The following PARD3B variants were observed in gnomAD, a reference collection of about 807,000 sequenced individuals.
PARD3B encodes the protein par-3 family cell polarity regulator beta.
In PARD3B, 103 loss-of-function variants were observed where a neutral mutation model predicts 130.2. That is an observed-to-expected ratio of 0.79 (90% CI 0.67 to 0.93). The LOEUF (loss-of-function observed/expected upper bound fraction) is 0.93, where lower values mean the gene tolerates loss of function less well. Ranked by LOEUF, PARD3B falls within the 40% of genes least tolerant of loss-of-function variation. The pLI is 0.00. For missense variants in PARD3B, 1,609 were observed against 1,499.2 expected, an observed-to-expected ratio of 1.07 and a Z score of -1.21; for synonymous variants, 583 against 553.2, an observed-to-expected ratio of 1.05 and a Z score of -0.76.
intron 2 of PARD3B, among the ~76,000 whole-genome samples, chr2:204,802,721 C>T (rs1341008175): frequency 6.6e-6 from 1 of 152,096 alleles, no homozygotes; most frequent in Non-Finnish European, 1.5e-5. Flanking sequence ...AACCATCATT[C>T]TCAGCATTCT....
Position 204,967,480 on chromosome 2 carries a change from C to G in PARD3B, c.394+2157C>G, listed in dbSNP as rs1184778998. Among the ~76,000 whole-genome samples the G allele has an allele frequency of 6.6e-6, 1 of 152,178 alleles. No individual in the cohort carries two copies. The highest frequency in any genetic ancestry group is 2.4e-5 in the African/African-American group (1 of 41,446). Reference sequence around the variant, plus strand: ...TATGTAATATAACTCCCCTGCTTAACGACCTTCACTGGCTTCCCATCACCC... The same window carrying G: ...TATGTAATATAACTCCCCTGCTTAAGGACCTTCACTGGCTTCCCATCACCC... On this transcript the variant is annotated intron_variant, in intron 3 of 22. Transcript: ENST00000406610. The surrounding 1 kb of genome is among the most constrained non-coding windows in gnomAD (Gnocchi z 4.4).
chr2:205,270,464 G>A (rs1232910641), intron 16 of PARD3B, among the ~76,000 whole-genome samples: 1 of 152,054 alleles, frequency 6.6e-6, no homozygotes, highest in Non-Finnish European at 1.5e-5. Flanking sequence ...CTACTCAGGA[G>A]GCTGAGGCAG....
At chr2:204,573,232 T>A (rs192106072) in intron 1 of PARD3B, among the ~76,000 whole-genome samples, 2 of 152,224 alleles carry the variant, frequency 1.3e-5, no homozygotes, top group East Asian at 3.8e-4. Context: ...GTCCTTCTCA[T>A]AACTAGTTTT....
intron 4 of PARD3B, among the ~76,000 whole-genome samples, chr2:205,087,807 G>T (rs1258545780): frequency 1.3e-5 from 2 of 149,588 alleles, no homozygotes; most frequent in Non-Finnish European, 3.0e-5. Flanking sequence ...TTTCAAAAAG[G>T]AAAAACAGCT....
At chr2:205,049,302 C>A (rs1699023404) in intron 4 of PARD3B, among the ~76,000 whole-genome samples, 1 of 152,058 alleles carries the variant, frequency 6.6e-6, no homozygotes. Context: ...GAAGGGGAAG[C>A]AAACATGTCC....
chr2:205,483,942 C>T (rs1248186689), intron 20 of PARD3B, among the ~76,000 whole-genome samples: 1 of 152,098 alleles, frequency 6.6e-6, no homozygotes, highest in Non-Finnish European at 1.5e-5. Flanking sequence ...ATGGAATGTA[C>T]AACATAACAC....
At position 204,943,812 on chromosome 2, in the gene PARD3B, G is replaced by A. The variant is rs1428830700; in HGVS notation, c.223-21340G>A. On this transcript the variant is annotated intron_variant, in intron 2 of 22. Coordinates refer to ENST00000406610, the MANE Select transcript of PARD3B (RefSeq NM_001302769.2). The surrounding 1 kb of genome is among the most constrained non-coding windows in gnomAD (Gnocchi z 4.2). ...TTCCTATCTGCCATGTGCAAATTAG[G>A]GAGACTGAGGCAACAAAGTTATATA... is the stretch of plus-strand genomic sequence containing the variant. 2.0e-5 allele frequency among the ~76,000 whole-genome samples: 3 copies of A among 152,098 alleles called. No individual in the cohort carries two copies. Among genetic ancestry groups the A allele is most frequent in the Non-Finnish European group, 2.9e-5 (2 of 68,026 alleles).
intron 21 of PARD3B, among the ~76,000 whole-genome samples, chr2:205,542,505 C>T (rs967505769): frequency 1.3e-5 from 2 of 152,032 alleles, no homozygotes; most frequent in African/African-American, 4.8e-5. Flanking sequence ...CATTCATCTT[C>T]CTAGAACTTG....
rs550809906 is a variant in PARD3B, at chr2:205,574,050, A to G, written c.3260+20647A>G. On this transcript the variant is annotated intron_variant, in intron 22 of 22. Transcript: ENST00000406610. Reference sequence around the variant, plus strand: ...GACAGCTTCACCGCAGAATAGCAAAAATGTCCTTAAAGATAAAACACTTAT... The same window carrying G: ...GACAGCTTCACCGCAGAATAGCAAAGATGTCCTTAAAGATAAAACACTTAT... Among the ~76,000 whole-genome samples, 4 of 152,296 alleles carry G rather than the reference A, an allele frequency of 2.6e-5. No individual in the cohort carries two copies. In the South Asian group the frequency reaches 8.3e-4, roughly 32 times the overall value.
chr2:205,524,817 G>A (rs952956600), intron 21 of PARD3B, among the ~76,000 whole-genome samples: 1 of 152,164 alleles, frequency 6.6e-6, no homozygotes, highest in Non-Finnish European at 1.5e-5. Context: ...GGTTGGTTTT[G>A]AGCTGGCACC....
In PARD3B at chr2:204,970,347, C is replaced by G. The variant is rs552488474; in HGVS notation, c.394+5024C>G. Among the ~76,000 whole-genome samples, 310 of 152,192 alleles carry G rather than the reference C, an allele frequency of 2.0e-3. 1 individual carries two copies. The highest frequency in any genetic ancestry group is 3.6e-3 in the Non-Finnish European group (246 of 68,000). ...TATCTCTATCAGAACCAACTTTTTC[C>G]AAACAAAAAATAAATCAGGACAAAT... On this transcript the variant is annotated intron_variant, in intron 3 of 22. Transcript: ENST00000406610.
rs1389037526 is a variant in PARD3B, at chr2:204,887,054, G to T, written c.223-78098G>T. Among the ~76,000 whole-genome samples, 1 of 151,968 alleles carries T rather than the reference G, an allele frequency of 6.6e-6. No homozygotes were observed. The highest frequency in any genetic ancestry group is 6.6e-5 in the Admixed American group (1 of 15,254). ...CCCTTTGAGGCATTTTTTTAAATCAGTTTTTTTTAATCAGCTTTTAGTTCC... is the reference window on the plus strand; with the variant it reads ...CCCTTTGAGGCATTTTTTTAAATCATTTTTTTTTAATCAGCTTTTAGTTCC... On this transcript the variant is annotated intron_variant, in intron 2 of 22. Coordinates refer to ENST00000406610, the MANE Select transcript of PARD3B (RefSeq NM_001302769.2). The surrounding 1 kb of genome is among the most constrained non-coding windows in gnomAD (Gnocchi z 4.2).
rs2053265637 is a variant in PARD3B at position 205,564,868 on chromosome 2, T to A, written c.3260+11465T>A. ...GCAGCCTCCAGAACGTGTTCCTGCT[T>A]CTATTCCAAGTCTCTCATTAAGCCT... On this transcript the variant is annotated intron_variant, in intron 22 of 22. Coordinates refer to ENST00000406610, the MANE Select transcript of PARD3B (RefSeq NM_001302769.2). The surrounding 1 kb of genome is among the most constrained non-coding windows in gnomAD (Gnocchi z 4.6). 6.6e-6 allele frequency among the ~76,000 whole-genome samples: 1 copy of A among 152,166 alleles called. No individual in the cohort carries two copies. Among genetic ancestry groups the A allele is most frequent in the Non-Finnish European group, 1.5e-5 (1 of 68,036 alleles).
rs529205093 is a variant in PARD3B at position 205,618,780 on chromosome 2, C to T, written c.*2967C>T. 156 of 152,290 alleles carry T rather than the reference C, an allele frequency of 1.0e-3. 1 individual carries two copies. Among genetic ancestry groups the T allele is most frequent in the African/African-American group, 3.6e-3 (148 of 41,556 alleles). The allele number at this position is 152,290 out of a possible 1,614,324, so 9.4% of individuals were successfully genotyped here. ...CTTCCACAAGGGAGAGAAACACAGC[C>T]TCCCCAGAATCCATTATGCCATCGG... On this transcript the variant is annotated 3_prime_UTR_variant, in exon 23 of 23. Transcript: ENST00000406610.
At position 204,545,761 on chromosome 2, in the gene PARD3B, G is replaced by C; in HGVS notation, c.-239G>C. The stretch of plus-strand genomic sequence containing the variant: ...GTGCCGCGGAGCTGCCGCGTCCCGG[G>C]CCGCCGGGCACCTGGGAGGTAACCC... On this transcript the variant is annotated 5_prime_UTR_variant, in exon 1 of 23. Coordinates refer to ENST00000406610, the MANE Select transcript of PARD3B (RefSeq NM_001302769.2). 1 of 399,450 alleles carries C rather than the reference G, an allele frequency of 2.5e-6. No homozygotes were observed. Among genetic ancestry groups the C allele is most frequent in the Non-Finnish European group, 4.4e-6 (1 of 226,694 alleles). 24.7% of individuals were successfully genotyped at this position (399,450 alleles called of 1,614,324 possible). A position where few individuals can be genotyped will look rare whatever the true frequency, so the allele number is the denominator to read the frequency against.
intron 11 of PARD3B, among the ~76,000 whole-genome samples, chr2:205,162,433 G>GAAT (rs1344379134): frequency 2.6e-5 from 4 of 152,216 alleles, no homozygotes; most frequent in African/African-American, 9.6e-5. Context: ...CATAACAGCG[G>GAAT]AATATTGCTT....
intron 11 of PARD3B, among the ~76,000 whole-genome samples, chr2:205,168,320 A>AGTGTGT (rs1553630288): frequency 5.8e-5 from 7 of 119,690 alleles, no homozygotes; most frequent in Admixed American, 8.7e-5. Context: ...AGAGAGAGAG[A>AGTGTGT]GTGTGTGTGT....
intron 1 of PARD3B, among the ~76,000 whole-genome samples, chr2:204,683,714 C>G (rs1474419977): frequency 1.3e-5 from 2 of 151,954 alleles, no homozygotes; most frequent in African/African-American, 2.4e-5. Flanking sequence ...GATATATGCC[C>G]ATCATTAGCC....
At chr2:205,054,416 A>G (rs1699459672) in intron 4 of PARD3B, among the ~76,000 whole-genome samples, 1 of 17,666 alleles carries the variant, frequency 5.7e-5, no homozygotes, top group African/African-American at 1.7e-4. Context: ...ATATATATAT[A>G]TATATATATA....
Sources: gnomAD v4.1 joint callset for allele counts (sites outside exome capture counted in the v4.1 genomes callset) on GRCh38, gnomAD v4.1.1 for gene constraint, Gnocchi (gnomAD v3.1) non-coding constraint, MANE v1.5 for transcripts, NCBI Gene and HGNC (gene_info 2026-07-23, HGNC 2026-07-21) for gene names.